Variants in ENTREP2 observed in about 807,000 individuals in gnomAD.
The protein encoded by ENTREP2 is protein ENTREP2.
the ENTREP2 span, among the ~76,000 whole-genome samples, chr15:29,500,798 C>A: frequency 6.6e-6 from 1 of 151,880 alleles, no homozygotes; most frequent in Non-Finnish European, 1.5e-5. Context: ...ATCAACAAAA[C>A]CAAAGTTGGT....
the ENTREP2 span, among the ~76,000 whole-genome samples, chr15:29,434,869 C>G: frequency 2.0e-5 from 3 of 152,238 alleles, no homozygotes; most frequent in East Asian, 3.9e-4. Context: ...GTAAAACAAT[C>G]AAGAAGAAAG....
chr15:29,267,407 C>G, the ENTREP2 span: 1 of 152,178 alleles, frequency 6.6e-6, no homozygotes, highest in Non-Finnish European at 1.5e-5. Context: ...GTGCATAAAA[C>G]TATTATATAG....
the ENTREP2 span, among the ~76,000 whole-genome samples, chr15:29,257,478 T>C: frequency 6.6e-6 from 1 of 152,214 alleles, no homozygotes. Context: ...CTTGTTCATA[T>C]ATCTTTTTAT....
the ENTREP2 span, among the ~76,000 whole-genome samples, chr15:29,607,366 G>A: frequency 2.9e-3 from 307 of 104,834 alleles, 2 homozygotes; most frequent in African/African-American, 0.012. Flanking sequence ...CCTTGTATTT[G>A]TTTACTTTTG....
At chr15:29,509,975 A>C in the ENTREP2 span, among the ~76,000 whole-genome samples, 1 of 152,166 alleles carries the variant, frequency 6.6e-6, no homozygotes, top group East Asian at 1.9e-4. Flanking sequence ...CAACCTACAA[A>C]ATGGAGGAAA....
At chr15:29,407,190 C>G in the ENTREP2 span, among the ~76,000 whole-genome samples, 1 of 152,164 alleles carries the variant, frequency 6.6e-6, no homozygotes, top group Non-Finnish European at 1.5e-5. Context: ...TGCTCCCAGG[C>G]TACAAAACTG....
chr15:29,545,445 AAAAG>A, the ENTREP2 span, among the ~76,000 whole-genome samples: 1 of 152,240 alleles, frequency 6.6e-6, no homozygotes, highest in East Asian at 1.9e-4. Context: ...CCTATGAATG[AAAAG>A]AAAGCTTAAG....
chr15:29,528,066 C>G, the ENTREP2 span, among the ~76,000 whole-genome samples: 2 of 152,108 alleles, frequency 1.3e-5, no homozygotes, highest in East Asian at 3.9e-4. Flanking sequence ...AGGTGCTGTG[C>G]TAGGTGAAGG....
the ENTREP2 span, chr15:29,570,601 C>T: frequency 2.7e-6 from 4 of 1,461,152 alleles, no homozygotes; most frequent in Non-Finnish European, 2.7e-6. Flanking sequence ...GGCATCCGAG[C>T]GCCATCTGCG....
At chr15:29,386,325 G>A in the ENTREP2 span, among the ~76,000 whole-genome samples, 5 of 152,270 alleles carry the variant, frequency 3.3e-5, no homozygotes, top group Non-Finnish European at 7.4e-5. Flanking sequence ...ACGATGCCGT[G>A]GAGATGGAGC....
chr15:29,415,517 T>C, the ENTREP2 span, among the ~76,000 whole-genome samples: 2 of 152,068 alleles, frequency 1.3e-5, no homozygotes, highest in African/African-American at 2.4e-5. Context: ...ATAAGAGCTA[T>C]CTATGACAAA....
At chr15:29,324,856 T>C in the ENTREP2 span, among the ~76,000 whole-genome samples, 3 of 152,198 alleles carry the variant, frequency 2.0e-5, no homozygotes, top group East Asian at 5.8e-4. Flanking sequence ...ATCATCAACA[T>C]CTATAGACTA....
the ENTREP2 span, among the ~76,000 whole-genome samples, chr15:29,337,606 T>C: frequency 6.6e-6 from 1 of 152,208 alleles, no homozygotes; most frequent in Admixed American, 6.5e-5. Flanking sequence ...TGTCCACATT[T>C]CCACATTCCC....
At chr15:29,597,639 TC>T in the ENTREP2 span, among the ~76,000 whole-genome samples, 1 of 152,148 alleles carries the variant, frequency 6.6e-6, no homozygotes, top group Non-Finnish European at 1.5e-5. Flanking sequence ...TGAATAATAT[TC>T]TATTGTGTGA....
the ENTREP2 span, among the ~76,000 whole-genome samples, chr15:29,324,150 G>A: frequency 6.6e-6 from 1 of 152,010 alleles, no homozygotes; most frequent in African/African-American, 2.4e-5. Context: ...GCCCAGGCTA[G>A]AGTGCAGTGG....
At chr15:29,560,432 G>A in the ENTREP2 span, among the ~76,000 whole-genome samples, 1 of 152,140 alleles carries the variant, frequency 6.6e-6, no homozygotes. Context: ...CAGAGAGAGA[G>A]AAGCCTGGGC....
At chr15:29,201,506 C>T in the ENTREP2 span, among the ~76,000 whole-genome samples, 10 of 152,250 alleles carry the variant, frequency 6.6e-5, no homozygotes, top group African/African-American at 2.4e-4. Context: ...TTGTCAAATG[C>T]TTTTTCTCCA....
the ENTREP2 span, among the ~76,000 whole-genome samples, chr15:29,508,788 C>T: frequency 6.6e-6 from 1 of 152,164 alleles, no homozygotes; most frequent in African/African-American, 2.4e-5. Context: ...AACCCACAGC[C>T]AATATCATAC....
the ENTREP2 span, among the ~76,000 whole-genome samples, chr15:29,364,505 T>C: frequency 6.6e-6 from 1 of 152,236 alleles, no homozygotes; most frequent in African/African-American, 2.4e-5. Context: ...CGGATTTCTC[T>C]GCTGTGACGT....
Sources: gnomAD v4.1 joint callset for allele counts (sites outside exome capture counted in the v4.1 genomes callset) on GRCh38, gnomAD v4.1.1 for gene constraint, MANE v1.5 for transcripts, NCBI Gene and HGNC (gene_info 2026-07-23, HGNC 2026-07-21) for gene names.